Variants in HLCS observed in about 807,000 individuals in gnomAD.
HLCS encodes the protein holocarboxylase synthetase.
HLCS carries 53 observed loss-of-function variants against 75.0 expected under a neutral mutation model. The ratio of observed to expected loss-of-function variants is 0.71; its 90% CI spans 0.57 to 0.89. The LOEUF (loss-of-function observed/expected upper bound fraction) is 0.89, where lower values mean the gene tolerates loss of function less well. Ranked by LOEUF, HLCS falls within the 40% of genes least tolerant of loss-of-function variation. The pLI, the probability that HLCS is intolerant of heterozygous loss-of-function variation, is 0.00. For missense variants in HLCS, 966 were observed against 1,074.0 expected (o/e 0.90, Z 1.41); for synonymous variants, 431 against 428.6 (o/e 1.01, Z -0.07).
chr21:36,946,303 G>GCAGT (rs1337519360), intron 2 of HLCS: 1 of 154,702 alleles, frequency 6.5e-6, no homozygotes, highest in Non-Finnish European at 1.4e-5. Context: ...CTGGAGTGGT[G>GCAGT]CAGTCATGGC....
chr21:36,807,646 C>A, intron 6 of HLCS, among the ~76,000 whole-genome samples: 1 of 152,318 alleles, frequency 6.6e-6, no homozygotes, highest in South Asian at 2.1e-4. Context: ...CACTGAGTGA[C>A]AGCATGTGAT....
chr21:36,774,710 A>C (rs2060305553), intron 6 of HLCS, among the ~76,000 whole-genome samples: 1 of 152,160 alleles, frequency 6.6e-6, no homozygotes, highest in African/African-American at 2.4e-5. Context: ...GGTGATCTCT[A>C]TCTGGGCTAA....
intron 1 of HLCS, among the ~76,000 whole-genome samples, chr21:36,979,212 C>G (rs1306409206): frequency 6.7e-6 from 1 of 149,690 alleles, no homozygotes; most frequent in Non-Finnish European, 1.5e-5. Flanking sequence ...GCGGAGCTTG[C>G]AGTGAGCCAA....
intron 8 of HLCS, 38 bp downstream of exon 8, chr21:36,764,974 C>T (rs1175140422): frequency 4.4e-6 from 7 of 1,606,578 alleles, no homozygotes; most frequent in Non-Finnish European, 6.0e-6. Flanking sequence ...ATTCTGCATG[C>T]ATCCCAGGGA....
intron 6 of HLCS, among the ~76,000 whole-genome samples, chr21:36,787,075 T>C (rs1357542505): frequency 1.3e-5 from 2 of 152,186 alleles, no homozygotes; most frequent in Non-Finnish European, 2.9e-5. Context: ...TGCAGCCACA[T>C]TTCAACATTG....
chr21:36,783,259 C>T (rs2060587171), intron 6 of HLCS, among the ~76,000 whole-genome samples: 5 of 152,222 alleles, frequency 3.3e-5, no homozygotes, highest in African/African-American at 9.6e-5. Flanking sequence ...CCCAGATACC[C>T]TCTGAATCCC....
At chr21:36,832,562 TACTC>T (rs1357007599) in intron 6 of HLCS, among the ~76,000 whole-genome samples, 2 of 152,194 alleles carry the variant, frequency 1.3e-5, no homozygotes, top group Non-Finnish European at 2.9e-5. Flanking sequence ...GCTCATTTAA[TACTC>T]ACAACAATGA....
intron 1 of HLCS, among the ~76,000 whole-genome samples, chr21:36,986,482 G>A (rs1045664856): frequency 1.3e-5 from 2 of 152,168 alleles, no homozygotes; most frequent in Admixed American, 6.5e-5. Flanking sequence ...GCAATGGTGC[G>A]ATCTCAGCTC....
chr21:36,945,162 T>C (rs970271545), intron 2 of HLCS, among the ~76,000 whole-genome samples: 3 of 152,142 alleles, frequency 2.0e-5, no homozygotes, highest in Non-Finnish European at 4.4e-5. Flanking sequence ...TTAAAATCCT[T>C]CCATGAATAA....
At chr21:36,795,061 T>C (rs2060986398) in intron 6 of HLCS, among the ~76,000 whole-genome samples, 2 of 152,058 alleles carry the variant, frequency 1.3e-5, no homozygotes, top group South Asian at 2.1e-4. Flanking sequence ...AGATGGTTCT[T>C]AGAACCATGG....
At chr21:36,881,061 C>T (rs2064192013) in intron 6 of HLCS, among the ~76,000 whole-genome samples, 1 of 152,088 alleles carries the variant, frequency 6.6e-6, no homozygotes, top group African/African-American at 2.4e-5. Context: ...ACCTCCACCT[C>T]CCAGATTCAA....
chr21:36,813,266 G>A (rs1459970570), intron 6 of HLCS, among the ~76,000 whole-genome samples: 1 of 152,108 alleles, frequency 6.6e-6, no homozygotes, highest in Non-Finnish European at 1.5e-5. Context: ...CCAAACAACT[G>A]GTGTTTTAAT....
At position 36,823,645 on chromosome 21, in the gene HLCS, G is replaced by GTGTGTA. The variant is rs1347977458; in HGVS notation, c.1893-56361_1893-56360insTACACA. On this transcript the variant is annotated intron_variant, in intron 6 of 10. Coordinates refer to ENST00000674895, the MANE Select transcript of HLCS (RefSeq NM_001352514.2). ...TGTGTGTGTGTGTGTGTGTGTGTGTGTGTACACATGTGCTTCAGGGCAAGG... is the reference window on the plus strand; with the variant it reads ...TGTGTGTGTGTGTGTGTGTGTGTGTGTGTGTATGTACACATGTGCTTCAGGGCAAGG... Among the ~76,000 whole-genome samples the GTGTGTA allele has an allele frequency of 7.8e-4, 118 of 151,418 alleles. 1 individual carries two copies. The highest frequency in any genetic ancestry group is 2.7e-3 in the African/African-American group (111 of 41,094).
At chr21:36,865,132 G>A (rs1227855231) in intron 6 of HLCS, among the ~76,000 whole-genome samples, 1 of 151,688 alleles carries the variant, frequency 6.6e-6, no homozygotes, top group East Asian at 1.9e-4. Context: ...GCGTGGCAGT[G>A]GGTGGGAGAA....
intron 6 of HLCS, among the ~76,000 whole-genome samples, chr21:36,830,289 G>A (rs2062156958): frequency 6.6e-6 from 1 of 152,178 alleles, no homozygotes; most frequent in African/African-American, 2.4e-5. Flanking sequence ...GCTACCCCAG[G>A]CTGTGGTACT....
intron 6 of HLCS, among the ~76,000 whole-genome samples, chr21:36,779,313 CTCCT>C (rs2060457651): frequency 1.3e-5 from 2 of 151,566 alleles, no homozygotes; most frequent in Admixed American, 6.6e-5. Context: ...CCTTCCTTCC[CTCCT>C]TCCTTCTTTC....
rs116163430 is a variant in HLCS at position 36,839,002 on chromosome 21, C to T, written c.1892+57858G>A. Among the ~76,000 whole-genome samples, 261 of 151,780 alleles carry T rather than the reference C, an allele frequency of 1.7e-3. 1 individual carries two copies. The highest frequency in any genetic ancestry group is 6.0e-3 in the African/African-American group (247 of 41,302). On this transcript the variant is annotated intron_variant, in intron 6 of 10. Coordinates refer to ENST00000674895, the MANE Select transcript of HLCS (RefSeq NM_001352514.2). ...AATTTGTTACAGCAGCACCAAGAAA[C>T]GTACATTCCAGATACACAGATATAT...
At chr21:36,890,368 G>A (rs544102773) in intron 6 of HLCS, among the ~76,000 whole-genome samples, 22 of 152,316 alleles carry the variant, frequency 1.4e-4, no homozygotes, top group Middle Eastern at 6.8e-3. Flanking sequence ...ATGAAATCAC[G>A]TTTTCTAAGC....
intron 6 of HLCS, among the ~76,000 whole-genome samples, chr21:36,838,418 A>C (rs978920356): frequency 2.0e-5 from 3 of 152,104 alleles, no homozygotes; most frequent in Non-Finnish European, 4.4e-5. Context: ...ATTAAATTAC[A>C]ATCTTAGCCA....
Sources: allele counts gnomAD v4.1 joint callset (sites outside exome capture counted in the v4.1 genomes callset), GRCh38; gene constraint gnomAD v4.1.1; transcripts MANE v1.5; gene names NCBI Gene and HGNC (gene_info 2026-07-23, HGNC 2026-07-21).